The following SMAP2 variants were observed in gnomAD, a reference collection of about 807,000 sequenced individuals.
SMAP2 encodes the protein stromal membrane-associated protein 2.
Under a neutral mutation model 56.4 loss-of-function variants are expected in SMAP2, and 25 were observed. The observed-to-expected ratio is 0.44, with a 90% CI of 0.32 to 0.62. The LOEUF is 0.62. SMAP2 is among the 20% of genes least tolerant of loss of function. The pLI is 0.04. For synonymous variants in SMAP2, 157 were observed against 181.7 expected (o/e 0.86, Z 1.09); for missense variants, 388 against 545.6 (o/e 0.71, Z 2.88).
chr1:40,415,463 C>A, intron 7 of SMAP2, 82 bp downstream of exon 7: 1 of 930,018 alleles, frequency 1.1e-6, no homozygotes, highest in Non-Finnish European at 1.8e-6. Flanking sequence ...CCACGTCATG[C>A]TTCCTTGGTG....
intron 1 of SMAP2, among the ~76,000 whole-genome samples, chr1:40,357,705 T>G (rs758519632): frequency 1.3e-5 from 2 of 152,218 alleles, no homozygotes; most frequent in African/African-American, 2.4e-5. Context: ...GTCAATATTC[T>G]TTGCATCTTT....
intron 1 of SMAP2, among the ~76,000 whole-genome samples, chr1:40,405,537 C>G (rs556314630): frequency 5.9e-5 from 9 of 152,158 alleles, no homozygotes; most frequent in Non-Finnish European, 1.2e-4. Context: ...AAATAATTGT[C>G]TGTGTCCTAA....
In SMAP2 at chr1:40,355,869, C is replaced by G. The variant is rs185519760; in HGVS notation, c.-82-6431C>G. 2.6e-3 allele frequency among the ~76,000 whole-genome samples: 397 copies of G among 152,170 alleles called. 4 individuals carry two copies. Among genetic ancestry groups the G allele is most frequent in the South Asian group, 0.024 (116 of 4,826 alleles). ...AAACGACCCACCTGCCTCAGCCCCC[C>G]CAAAATGCTGGGATTATAGGTGTGA... On this transcript the variant is annotated intron_variant, in intron 1 of 6. Coordinates refer to the SMAP2 transcript ENST00000435168.
chr1:40,350,537 G>C (rs1267733069), intron 1 of SMAP2, among the ~76,000 whole-genome samples: 1 of 152,174 alleles, frequency 6.6e-6, no homozygotes, highest in Non-Finnish European at 1.5e-5. Flanking sequence ...GGAGGAAACT[G>C]TATTACTGGT....
At chr1:40,397,098 G>T (rs560966490) in intron 1 of SMAP2, among the ~76,000 whole-genome samples, 2 of 152,100 alleles carry the variant, frequency 1.3e-5, no homozygotes, top group Non-Finnish European at 1.5e-5. Context: ...AACCAAATTT[G>T]ATTCCGTGTT....
chr1:40,383,875 A>G (rs565004240), intron 1 of SMAP2, among the ~76,000 whole-genome samples: 3 of 152,212 alleles, frequency 2.0e-5, no homozygotes, highest in Non-Finnish European at 4.4e-5. Flanking sequence ...GCGTTAAAAC[A>G]TGGTACAGCT....
intron 9 of SMAP2, 151 bp downstream of exon 9, chr1:40,417,247 T>C (rs1347675862): frequency 2.7e-5 from 17 of 620,868 alleles, no homozygotes; most frequent in African/African-American, 5.6e-5. Context: ...TTTTTTTTTT[T>C]CCTAGAAGGT....
At chr1:40,413,555 C>A (rs1644958320) in intron 5 of SMAP2, among the ~76,000 whole-genome samples, 1 of 152,096 alleles carries the variant, frequency 6.6e-6, no homozygotes, top group South Asian at 2.1e-4. Context: ...AAACAGACAC[C>A]CTTCTTTTTC....
chr1:40,360,288 G>A (rs1272470914), intron 1 of SMAP2, among the ~76,000 whole-genome samples: 1 of 148,794 alleles, frequency 6.7e-6, no homozygotes, highest in African/African-American at 2.5e-5. Context: ...TTACAGGCGT[G>A]AGCCACCGTG....
rs562338034 is a variant in SMAP2 at position 40,416,083 on chromosome 1, C to T, written c.682-93C>T. 7 of 1,204,972 alleles carry T rather than the reference C, an allele frequency of 5.8e-6. No individual in the cohort carries two copies. The South Asian group carries it at 6.1e-5, about 11-fold the overall frequency. 74.6% of individuals were successfully genotyped at this position (1,204,972 alleles called of 1,614,324 possible). The stretch of plus-strand genomic sequence containing the variant: ...TAACTTGAGCCATGAATTCTTATTG[C>T]AGATGTTAGGAGCAGCAGAGAGGGA... On this transcript the variant is annotated intron_variant, in intron 7 of 9. Coordinates refer to ENST00000372718, the MANE Select transcript of SMAP2 (RefSeq NM_022733.3).
At chr1:40,355,177 T>G (rs551848466) in intron 1 of SMAP2, among the ~76,000 whole-genome samples, 1 of 152,262 alleles carries the variant, frequency 6.6e-6, no homozygotes, top group African/African-American at 2.4e-5. Flanking sequence ...TTAATGGCCA[T>G]TAATAGAAAC....
At chr1:40,381,144 A>G (rs937630211) in intron 1 of SMAP2, among the ~76,000 whole-genome samples, 3 of 152,240 alleles carry the variant, frequency 2.0e-5, no homozygotes. Flanking sequence ...GAAAATGTAT[A>G]TCTTTTAGGG....
At position 40,374,576 on chromosome 1, in the gene SMAP2, AT is replaced by A; in HGVS notation, c.103+355del. On this transcript the variant is annotated intron_variant, in intron 1 of 9. Transcript: ENST00000372718. This position sits in a 1 kb window ranked among gnomAD's most constrained non-coding sequence, Gnocchi z 5.9. ...ACTTGCAAAGCTGGGGATGAACTGC[AT>A]TGCGTGCGTGCGTGCGTGCGTGTGT... The A allele has an allele frequency of 1.8e-6, 2 of 1,130,288 alleles. No individual in the cohort carries two copies. Among genetic ancestry groups the A allele is most frequent in the Non-Finnish European group, 2.5e-6 (2 of 788,876 alleles). 70.0% of individuals were successfully genotyped at this position (1,130,288 alleles called of 1,614,324 possible).
chr1:40,403,256 A>G (rs1264038575), intron 1 of SMAP2, among the ~76,000 whole-genome samples: 1 of 152,236 alleles, frequency 6.6e-6, no homozygotes, highest in Non-Finnish European at 1.5e-5. Flanking sequence ...CTGTAATCCC[A>G]GGCCTTTGAG....
intron 6 of SMAP2, among the ~76,000 whole-genome samples, chr1:40,414,881 C>T (rs1644972059): frequency 6.6e-6 from 1 of 152,234 alleles, no homozygotes; most frequent in Non-Finnish European, 1.5e-5. Context: ...CACTTTGTTT[C>T]CATCCGCTTC....
intron 1 of SMAP2, among the ~76,000 whole-genome samples, chr1:40,353,800 AG>A (rs1557821166): frequency 6.6e-6 from 1 of 151,608 alleles, no homozygotes; most frequent in Admixed American, 6.6e-5. Flanking sequence ...TATGTTGGCC[AG>A]GGTGGTCTTG....
At chr1:40,390,220 T>A (rs1644703354) in intron 1 of SMAP2, among the ~76,000 whole-genome samples, 1 of 152,214 alleles carries the variant, frequency 6.6e-6, no homozygotes, top group Admixed American at 6.5e-5. Context: ...TCATTTTGAT[T>A]CTGCTGTTTG....
chr1:40,409,955 A>G (rs1032744786), intron 4 of SMAP2, 120 bp downstream of exon 4: 5 of 673,762 alleles, frequency 7.4e-6, no homozygotes, highest in African/African-American at 7.3e-5. Flanking sequence ...AAAAAATGCA[A>G]AAGTAGACCA....
At chr1:40,372,748 A>G (rs1343533319), upstream of SMAP2, among the ~76,000 whole-genome samples, 4 of 152,194 alleles carry the variant, frequency 2.6e-5, no homozygotes, top group African/African-American at 9.6e-5. Flanking sequence ...TCTGCTTACT[A>G]TCTTCCCTGA....
Sources: gnomAD v4.1 joint callset for allele counts (sites outside exome capture counted in the v4.1 genomes callset) on GRCh38, gnomAD v4.1.1 for gene constraint, Gnocchi (gnomAD v3.1) non-coding constraint, MANE v1.5 for transcripts, NCBI Gene and HGNC (gene_info 2026-07-23, HGNC 2026-07-21) for gene names.